The following CADM1 variants were observed in gnomAD, a reference collection of about 807,000 sequenced individuals.
CADM1 encodes the protein TSLC-1.
Under a neutral mutation model 53.1 loss-of-function variants are expected in CADM1, and 15 were observed. The observed-to-expected ratio is 0.28, with a 90% CI of 0.19 to 0.44. The LOEUF is 0.44. CADM1 is among the 20% of genes least tolerant of loss of function. The pLI is 1.00. For missense variants in CADM1, 434 were observed against 611.3 expected (o/e 0.71, Z 3.06); for synonymous variants, 281 against 243.0 (o/e 1.16, Z -1.45).
At chr11:115,306,072 C>CCCCACACACACACACACACACACACACA (rs1555060495) in intron 1 of CADM1, among the ~76,000 whole-genome samples, 1 of 130,390 alleles carries the variant, frequency 7.7e-6, no homozygotes, top group African/African-American at 2.9e-5. Flanking sequence ...AGGATATATA[C>CCCCACACACACACACACACACACACACA]CACACACACA....
chr11:115,420,847 G>A (rs1481644746), intron 1 of CADM1, among the ~76,000 whole-genome samples: 2 of 152,098 alleles, frequency 1.3e-5, no homozygotes, highest in Non-Finnish European at 2.9e-5. Flanking sequence ...AAAGAAAAGT[G>A]CATCTTCCTA....
At chr11:115,424,058 A>T (rs970882805) in intron 1 of CADM1, among the ~76,000 whole-genome samples, 2 of 152,212 alleles carry the variant, frequency 1.3e-5, no homozygotes, top group Non-Finnish European at 2.9e-5. Context: ...ATTCTAGTGC[A>T]CTGTCCAGTT....
At chr11:115,453,197 T>A (rs974936026) in intron 1 of CADM1, among the ~76,000 whole-genome samples, 2 of 151,930 alleles carry the variant, frequency 1.3e-5, no homozygotes, top group African/African-American at 4.8e-5. Flanking sequence ...GGCAACATGA[T>A]AAAACTCCAT....
At chr11:115,261,884 A>G (rs1942985312) in intron 1 of CADM1, among the ~76,000 whole-genome samples, 1 of 151,854 alleles carries the variant, frequency 6.6e-6, no homozygotes, top group African/African-American at 2.4e-5. Flanking sequence ...GGTTCAAGCA[A>G]TTCTCCTGCC....
At chr11:115,404,346 AATAT>A (rs869231204) in intron 1 of CADM1, among the ~76,000 whole-genome samples, 394 of 33,200 alleles carry the variant, frequency 0.012, 1 homozygote, top group Middle Eastern at 0.024. Context: ...AAAAAAAAAA[AATAT>A]ATATATATAT....
chr11:115,447,474 T>A (rs533421258), intron 1 of CADM1, among the ~76,000 whole-genome samples: 1 of 152,176 alleles, frequency 6.6e-6, no homozygotes, highest in Non-Finnish European at 1.5e-5. Context: ...TCACCCTTTT[T>A]GTCTGCTCTG....
At chr11:115,290,213 A>G (rs1435449807) in intron 1 of CADM1, among the ~76,000 whole-genome samples, 1 of 152,218 alleles carries the variant, frequency 6.6e-6, no homozygotes, top group African/African-American at 2.4e-5. Flanking sequence ...GGCATTTTCT[A>G]TACACAGTGG....
intron 1 of CADM1, among the ~76,000 whole-genome samples, chr11:115,338,836 C>G (rs1945335802): frequency 7.0e-6 from 1 of 142,734 alleles, no homozygotes; most frequent in Non-Finnish European, 1.5e-5. Flanking sequence ...CCTGTACTTT[C>G]TATTTTAAAG....
At chr11:115,372,526 C>T (rs1007871332) in intron 1 of CADM1, among the ~76,000 whole-genome samples, 1 of 152,020 alleles carries the variant, frequency 6.6e-6, no homozygotes, top group African/African-American at 2.4e-5. Context: ...TTCTTTGCCT[C>T]CCTCTCAAGA....
At chr11:115,260,255 T>C (rs1010885294) in intron 1 of CADM1, among the ~76,000 whole-genome samples, 3 of 152,316 alleles carry the variant, frequency 2.0e-5, no homozygotes, top group East Asian at 1.9e-4. Context: ...TGTGCTTAGA[T>C]TGACCTCTCT....
chr11:115,367,109 G>C (rs1254952048), intron 1 of CADM1, among the ~76,000 whole-genome samples: 1 of 152,240 alleles, frequency 6.6e-6, no homozygotes, highest in Non-Finnish European at 1.5e-5. Context: ...CGCTACTCCA[G>C]AGGCTGAGGC....
chr11:115,195,615 A>G (rs1425057506), intron 9 of CADM1, among the ~76,000 whole-genome samples: 1 of 152,220 alleles, frequency 6.6e-6, no homozygotes, highest in East Asian at 1.9e-4. Context: ...TCTAAGTCAA[A>G]TGGTTGCTGT....
At chr11:115,406,825 T>C (rs894517453) in intron 1 of CADM1, among the ~76,000 whole-genome samples, 5 of 151,534 alleles carry the variant, frequency 3.3e-5, no homozygotes, top group African/African-American at 1.2e-4. Context: ...GGTGGGTGCC[T>C]GTAATCCCAG....
At chr11:115,486,753 C>A (rs1949381879) in intron 1 of CADM1, among the ~76,000 whole-genome samples, 1 of 152,204 alleles carries the variant, frequency 6.6e-6, no homozygotes, top group Admixed American at 6.5e-5. Flanking sequence ...TACCTGTAAG[C>A]CTTTATTCAC....
intron 1 of CADM1, among the ~76,000 whole-genome samples, chr11:115,281,022 C>T (rs1205968512): frequency 1.3e-5 from 2 of 152,186 alleles, no homozygotes; most frequent in South Asian, 2.1e-4. Flanking sequence ...AGGGCTATGG[C>T]CCCTCTGGCC....
chr11:115,476,572 G>A (rs539462101), intron 1 of CADM1, among the ~76,000 whole-genome samples: 1 of 152,298 alleles, frequency 6.6e-6, no homozygotes, highest in African/African-American at 2.4e-5. Context: ...CTGCGTGGTA[G>A]GAGAACATGA....
intron 1 of CADM1, among the ~76,000 whole-genome samples, chr11:115,362,532 T>C (rs1946055195): frequency 6.6e-6 from 1 of 152,212 alleles, no homozygotes; most frequent in Non-Finnish European, 1.5e-5. Context: ...AGTTTGCAGT[T>C]TAGTTGGTAA....
At chr11:115,495,081 A>G (rs1949580795) in intron 1 of CADM1, among the ~76,000 whole-genome samples, 1 of 152,258 alleles carries the variant, frequency 6.6e-6, no homozygotes, top group South Asian at 2.1e-4. Context: ...TATTTAAGCT[A>G]ATCTCTACTT....
intron 10 of CADM1, among the ~76,000 whole-genome samples, chr11:115,180,434 G>A (rs1320962999): frequency 6.6e-6 from 1 of 152,160 alleles, no homozygotes; most frequent in Non-Finnish European, 1.5e-5. Flanking sequence ...GAGCTGGGTT[G>A]GAGGCAGAGT....
Sources: allele counts gnomAD v4.1 joint callset (sites outside exome capture counted in the v4.1 genomes callset), GRCh38; gene constraint gnomAD v4.1.1; transcripts MANE v1.5; gene names NCBI Gene and HGNC (gene_info 2026-07-23, HGNC 2026-07-21).